Variants in PTPRG observed in about 807,000 individuals in gnomAD.
PTPRG encodes receptor-type tyrosine-protein phosphatase gamma.
In PTPRG, 102 loss-of-function variants were observed where a neutral mutation model predicts 165.3. The ratio of observed to expected loss-of-function variants is 0.62; its 90% CI spans 0.53 to 0.73. PTPRG has a LOEUF of 0.73. Ranked by LOEUF, PTPRG falls within the 30% of genes least tolerant of loss-of-function variation. The pLI, the probability that PTPRG is intolerant of heterozygous loss-of-function variation, is 0.00. For missense variants in PTPRG, 1,866 were observed against 1,861.4 expected (o/e 1.00, Z -0.05); for synonymous variants, 675 against 669.5 (o/e 1.01, Z -0.13).
chr3:61,888,594 G>A (rs916881694), intron 2 of PTPRG, among the ~76,000 whole-genome samples: 1 of 152,132 alleles, frequency 6.6e-6, no homozygotes, highest in Admixed American at 6.5e-5. Flanking sequence ...GCCTCTCAAA[G>A]TGCTGGGATT....
intron 2 of PTPRG, among the ~76,000 whole-genome samples, chr3:61,966,686 G>A (rs1465328868): frequency 6.6e-6 from 1 of 151,892 alleles, no homozygotes. Flanking sequence ...TTATATGCCA[G>A]TACTTTTTGC....
intron 8 of PTPRG, among the ~76,000 whole-genome samples, chr3:62,168,961 C>T (rs577653947): frequency 4.6e-5 from 7 of 152,112 alleles, no homozygotes; most frequent in Middle Eastern, 6.8e-3. Context: ...TGATGGAGTT[C>T]GGCCATTCGG....
chr3:61,646,424 T>G (rs1328743054), intron 1 of PTPRG, among the ~76,000 whole-genome samples: 1 of 152,194 alleles, frequency 6.6e-6, no homozygotes, highest in Non-Finnish European at 1.5e-5. Flanking sequence ...ATCATCTAAT[T>G]CTTAATTGAA....
At chr3:62,238,241 A>T (rs1263015983) in intron 14 of PTPRG, among the ~76,000 whole-genome samples, 1 of 152,128 alleles carries the variant, frequency 6.6e-6, no homozygotes, top group Admixed American at 6.5e-5. Context: ...CTGAGTTCGA[A>T]CTGAGGAGAT....
chr3:62,135,939 G>A (rs1398432635), intron 6 of PTPRG, among the ~76,000 whole-genome samples: 1 of 152,156 alleles, frequency 6.6e-6, no homozygotes. Context: ...TGTTGTCATT[G>A]GCTGGAGCGT....
intron 2 of PTPRG, among the ~76,000 whole-genome samples, chr3:61,972,679 G>A (rs1469735160): frequency 1.4e-5 from 2 of 145,702 alleles, no homozygotes; most frequent in Non-Finnish European, 3.0e-5. Flanking sequence ...TTGAGACATG[G>A]TCTCACTCTG....
Position 62,195,167 on chromosome 3 carries a change from C to G in PTPRG, c.1324C>G (p.Gln442Glu). The change falls in exon 10 of 30, where the codon CAA becomes GAA. Residue 442 changes from glutamine (Q) to glutamate (E), a missense_variant. Around this residue, in one of 3 missense-constraint regions of PTPRG, gnomAD observed 1,452 missense variants for 1,463.0 expected, o/e 0.99. Transcript: ENST00000474889. This position sits in a 1 kb window ranked among gnomAD's most constrained non-coding sequence, Gnocchi z 4.4. Reference sequence around the variant, plus strand: ...CGACTTTAGCCAGACGATGCTGTTTCAAGGTGAGGCTGGCTTCCCCTCCTG... The same window carrying G: ...CGACTTTAGCCAGACGATGCTGTTTGAAGGTGAGGCTGGCTTCCCCTCCTG... ...RSDFSQTMLF[Q>E]ANTTRIFQGT... 6.2e-7 allele frequency: 1 copy of G among 1,614,062 alleles called. No homozygotes were observed. The highest frequency in any genetic ancestry group is 8.5e-7 in the Non-Finnish European group (1 of 1,179,900).
rs932378297 is a variant in PTPRG at position 62,297,168 on chromosome 3, A to C, written c.*3861A>C. On this transcript the variant is annotated 3_prime_UTR_variant, in exon 30 of 30. Transcript: ENST00000474889. ...CTTTGTATCTATGGTATATAATCAT[A>C]GAATTTTATATTTTCATATAAAGCT... The C allele has an allele frequency of 1.3e-5, 2 of 152,108 alleles. No homozygotes were observed. Among genetic ancestry groups the C allele is most frequent in the Admixed American group, 1.3e-4 (2 of 15,258 alleles). The allele number at this position is 152,108 out of a possible 1,614,324, so 9.4% of individuals were successfully genotyped here.
At position 62,268,999 on chromosome 3, in the gene PTPRG, T is replaced by A. The variant is rs74821691; in HGVS notation, c.2875-36T>A. On this transcript the variant is annotated intron_variant, in intron 19 of 29. Coordinates refer to ENST00000474889, the MANE Select transcript of PTPRG (RefSeq NM_002841.4). Reference sequence around the variant, plus strand: ...ATTATCAACAGAATTGTGGCATAGATTGCAGTTATACTTTACAACTTTTTT... The same window carrying A: ...ATTATCAACAGAATTGTGGCATAGAATGCAGTTATACTTTACAACTTTTTT... The A allele has an allele frequency of 4.6e-6, 7 of 1,513,346 alleles. No homozygotes were observed. In the South Asian group the frequency reaches 9.4e-5, roughly 20 times the overall value. 93.7% of individuals were successfully genotyped at this position (1,513,346 alleles called of 1,614,324 possible).
intron 4 of PTPRG, among the ~76,000 whole-genome samples, chr3:62,024,105 T>A (rs1035924223): frequency 2.6e-5 from 4 of 152,112 alleles, no homozygotes; most frequent in Non-Finnish European, 5.9e-5. Context: ...ATTTTAAATA[T>A]TTTTTTGACT....
intron 2 of PTPRG, among the ~76,000 whole-genome samples, chr3:61,906,014 A>G (rs933735493): frequency 1.3e-4 from 20 of 152,370 alleles, no homozygotes; most frequent in Non-Finnish European, 2.8e-4. Context: ...TCAGAGAGAC[A>G]TGAATACATG....
chr3:62,098,134 A>G (rs1322900421), intron 5 of PTPRG, among the ~76,000 whole-genome samples: 3 of 152,194 alleles, frequency 2.0e-5, no homozygotes, highest in African/African-American at 4.8e-5. Flanking sequence ...GGGCTTGACA[A>G]TTTATCAAGT....
At chr3:61,700,062 C>A (rs890980810) in intron 1 of PTPRG, among the ~76,000 whole-genome samples, 1 of 152,044 alleles carries the variant, frequency 6.6e-6, no homozygotes, top group Non-Finnish European at 1.5e-5. Context: ...GTGTGGTCCT[C>A]TTGGAATTGA....
chr3:62,120,899 G>T (rs1255193280), intron 5 of PTPRG, among the ~76,000 whole-genome samples: 2 of 152,058 alleles, frequency 1.3e-5, no homozygotes, highest in Admixed American at 1.3e-4. Context: ...TTCCTGGTTG[G>T]GTACCAGCAG....
intron 4 of PTPRG, among the ~76,000 whole-genome samples, chr3:62,005,112 C>T (rs777018126): frequency 1.3e-5 from 2 of 152,174 alleles, no homozygotes; most frequent in Non-Finnish European, 2.9e-5. Flanking sequence ...GAGATAACTA[C>T]TCTGAGAAAA....
At chr3:61,588,883 T>C (rs1257506812) in intron 1 of PTPRG, among the ~76,000 whole-genome samples, 1 of 152,222 alleles carries the variant, frequency 6.6e-6, no homozygotes, top group Admixed American at 6.5e-5. Flanking sequence ...TGGAGACTTC[T>C]GCAACAAACA....
chr3:62,124,742 C>G (rs959592409), intron 5 of PTPRG: 3 of 506,330 alleles, frequency 5.9e-6, no homozygotes, highest in African/African-American at 3.8e-5. Context: ...TTTTAAAATT[C>G]TTTTCTAGAG....
rs772229285 is a variant in PTPRG at position 62,262,819 on chromosome 3, G to A, written c.2581G>A (p.Asp861Asn). Reference sequence around the variant, plus strand: ...CTAGGAAGTCCAGCGCTGTACTGCTGATATGAACATCACTGCAGAGCATTC... The same window carrying A: ...CTAGGAAGTCCAGCGCTGTACTGCTAATATGAACATCACTGCAGAGCATTC... Reference protein sequence around the residue: ...DFEEVQRCTADMNITAEHSNH... With the variant: ...DFEEVQRCTANMNITAEHSNH... Residue 861 changes from aspartate (D) to asparagine (N), a missense_variant, in exon 17 of 30, where the codon GAT becomes AAT. Physicochemically the swap from Asp to Asn is conservative, Grantham distance 23 (BLOSUM62 1). Coordinates refer to ENST00000474889, the MANE Select transcript of PTPRG (RefSeq NM_002841.4). 3 of 1,613,738 alleles carry A rather than the reference G, an allele frequency of 1.9e-6. No homozygotes were observed. Among genetic ancestry groups the A allele is most frequent in the Admixed American group, 3.3e-5 (2 of 60,006 alleles).
chr3:62,256,645 A>G (rs1029460972), intron 16 of PTPRG, among the ~76,000 whole-genome samples: 4 of 152,224 alleles, frequency 2.6e-5, no homozygotes, highest in Admixed American at 6.5e-5. Flanking sequence ...ATGACTGAGC[A>G]AGAATATTGA....
Sources: gnomAD v4.1 joint callset for allele counts (sites outside exome capture counted in the v4.1 genomes callset) on GRCh38, gnomAD v4.1.1 for gene constraint, gnomAD v4.1.1 regional missense constraint, Gnocchi (gnomAD v3.1) non-coding constraint, MANE v1.5 for transcripts, NCBI Gene and HGNC (gene_info 2026-07-23, HGNC 2026-07-21) for gene names.